The following STARD13 variants were observed in gnomAD, a reference collection of about 807,000 sequenced individuals.
STARD13 encodes stAR-related lipid transfer protein 13.
A neutral mutation model predicts 106.4 loss-of-function variants in STARD13; 62 were observed. That is an observed-to-expected ratio of 0.58 (90% CI 0.48 to 0.72). STARD13 has a LOEUF of 0.72. STARD13 is among the 30% of genes least tolerant of loss of function. STARD13 has a pLI of 0.00. For missense variants in STARD13, 1,387 were observed against 1,424.0 expected (o/e 0.97, Z 0.42); for synonymous variants, 565 against 553.0 (o/e 1.02, Z -0.31).
chr13:33,400,743 G>A, the STARD13 span, among the ~76,000 whole-genome samples: 1,460 of 152,278 alleles, frequency 9.6e-3, 20 homozygotes, highest in African/African-American at 0.033. Context: ...GATTACAGGC[G>A]TGAACCACCG....
At chr13:33,501,235 C>T in the STARD13 span, among the ~76,000 whole-genome samples, 3 of 151,872 alleles carry the variant, frequency 2.0e-5, no homozygotes, top group African/African-American at 7.3e-5. Flanking sequence ...CACTGCCACA[C>T]CAGACTAGCT....
chr13:33,369,987 T>C, the STARD13 span, among the ~76,000 whole-genome samples: 2 of 152,214 alleles, frequency 1.3e-5, no homozygotes, highest in Non-Finnish European at 2.9e-5. Context: ...CATGATAAAG[T>C]ACATAAGCTT....
intron 9 of STARD13, among the ~76,000 whole-genome samples, chr13:33,112,243 C>G (rs916175265): frequency 6.6e-6 from 1 of 152,194 alleles, no homozygotes; most frequent in Non-Finnish European, 1.5e-5. Context: ...TTTTCCTCCT[C>G]ACTCACACAG....
chr13:33,542,247 T>C, the STARD13 span, among the ~76,000 whole-genome samples: 2 of 152,124 alleles, frequency 1.3e-5, no homozygotes, highest in African/African-American at 4.8e-5. Flanking sequence ...ATCAAGCCGG[T>C]TCACTAAGAT....
chr13:33,162,938 A>G (rs1196009666), intron 3 of STARD13, among the ~76,000 whole-genome samples: 1 of 152,112 alleles, frequency 6.6e-6, no homozygotes, highest in Non-Finnish European at 1.5e-5. Flanking sequence ...AATTTATTGT[A>G]TTAGTCCATT....
chr13:33,223,075 T>C (rs1390174770), intron 1 of STARD13, among the ~76,000 whole-genome samples: 1 of 152,226 alleles, frequency 6.6e-6, no homozygotes, highest in Non-Finnish European at 1.5e-5. Flanking sequence ...AGACCACCTG[T>C]TAATTTAGTT....
chr13:33,127,289 T>A, intron 6 of STARD13, 84 bp downstream of exon 6: 3 of 1,421,850 alleles, frequency 2.1e-6, no homozygotes, highest in Non-Finnish European at 9.2e-7. Context: ...TTTTCAGATA[T>A]CACAAAGTAA....
At chr13:33,620,293 T>C in the STARD13 span, among the ~76,000 whole-genome samples, 1 of 151,620 alleles carries the variant, frequency 6.6e-6, no homozygotes, top group East Asian at 1.9e-4. Flanking sequence ...TTTCTTTTTT[T>C]TTTTTTTGAG....
chr13:33,519,733 T>C, the STARD13 span, among the ~76,000 whole-genome samples: 1 of 152,120 alleles, frequency 6.6e-6, no homozygotes, highest in Non-Finnish European at 1.5e-5. Context: ...TCCAACTTCA[T>C]AACACAGAAA....
intron 1 of STARD13, among the ~76,000 whole-genome samples, chr13:33,252,290 A>G (rs1365258285): frequency 2.0e-5 from 3 of 152,186 alleles, no homozygotes; most frequent in East Asian, 3.8e-4. Flanking sequence ...AGAGGAGAAC[A>G]TGGTGAGGCT....
At chr13:33,639,206 G>C in the STARD13 span, among the ~76,000 whole-genome samples, 2 of 152,170 alleles carry the variant, frequency 1.3e-5, no homozygotes, top group African/African-American at 2.4e-5. Context: ...GAGTTAACAG[G>C]AGGAGGTTGC....
the STARD13 span, among the ~76,000 whole-genome samples, chr13:33,644,778 G>A: frequency 6.6e-6 from 1 of 152,188 alleles, no homozygotes; most frequent in Non-Finnish European, 1.5e-5. Context: ...GCAACCTCCT[G>A]AAATGCTCCA....
the STARD13 span, among the ~76,000 whole-genome samples, chr13:33,360,726 A>T: frequency 7.4e-6 from 1 of 134,638 alleles, no homozygotes; most frequent in African/African-American, 2.7e-5. Flanking sequence ...AGACAGAAGG[A>T]CATATTGTTG....
At chr13:33,124,765 C>G (rs1156715383) in intron 7 of STARD13, among the ~76,000 whole-genome samples, 3 of 152,142 alleles carry the variant, frequency 2.0e-5, no homozygotes, top group African/African-American at 2.4e-5. Context: ...TTGGCTGACT[C>G]TATTGGGATG....
At chr13:33,593,337 A>G in the STARD13 span, among the ~76,000 whole-genome samples, 2 of 152,062 alleles carry the variant, frequency 1.3e-5, no homozygotes, top group African/African-American at 4.8e-5. Flanking sequence ...GGCACCTGCC[A>G]CCACACCCAG....
the STARD13 span, among the ~76,000 whole-genome samples, chr13:33,364,664 T>C: frequency 1.3e-5 from 2 of 151,948 alleles, no homozygotes; most frequent in Non-Finnish European, 2.9e-5. Context: ...CCGAGGCGGG[T>C]GGATCATGAG....
At chr13:33,298,049 G>A (rs528881789) in intron 1 of STARD13, among the ~76,000 whole-genome samples, 2 of 150,846 alleles carry the variant, frequency 1.3e-5, no homozygotes, top group Non-Finnish European at 2.9e-5. Context: ...ACAGGGACCT[G>A]CCCTCCTGCC....
intron 1 of STARD13, among the ~76,000 whole-genome samples, chr13:33,232,332 A>G (rs943972109): frequency 6.6e-6 from 1 of 152,176 alleles, no homozygotes; most frequent in Non-Finnish European, 1.5e-5. Flanking sequence ...ATAAATAAAT[A>G]AATAAGCTAT....
the STARD13 span, among the ~76,000 whole-genome samples, chr13:33,541,140 T>TTA: frequency 3.3e-5 from 5 of 152,184 alleles, no homozygotes; most frequent in African/African-American, 1.2e-4. Flanking sequence ...TTAAGGTTGG[T>TTA]TATATACGAT....
Sources: allele counts gnomAD v4.1 joint callset (sites outside exome capture counted in the v4.1 genomes callset), GRCh38; gene constraint gnomAD v4.1.1; transcripts MANE v1.5; gene names NCBI Gene and HGNC (gene_info 2026-07-23, HGNC 2026-07-21).